ARSB: variants seen among roughly 807,000 people sequenced by gnomAD.
ARSB encodes the protein N-acetylgalactosamine-4-sulfatase.
A neutral mutation model predicts 50.9 loss-of-function variants in ARSB; 41 were observed. The ratio of observed to expected loss-of-function variants is 0.81; its 90% CI spans 0.63 to 1.04. The LOEUF (loss-of-function observed/expected upper bound fraction) is 1.04. Ranked by LOEUF, ARSB falls within the 50% of genes least tolerant of loss-of-function variation. The probability of loss-of-function intolerance (pLI) is 0.00; values close to 1 mark genes in which losing one functional copy is unlikely to be tolerated. For synonymous variants in ARSB, 269 were observed against 284.8 expected, an observed-to-expected ratio of 0.94 and a Z score of 0.56; for missense variants, 672 against 693.3, an observed-to-expected ratio of 0.97 and a Z score of 0.35.
chr5:78,964,332 A>G, intron 3 of ARSB, 84 bp downstream of exon 3: 1 of 1,356,672 alleles, frequency 7.4e-7, no homozygotes, highest in Non-Finnish European at 1.0e-6. Context: ...TTTTCCCTAA[A>G]CAACAATGGC....
intron 6 of ARSB, among the ~76,000 whole-genome samples, chr5:78,798,435 C>T (rs928289535): frequency 6.6e-6 from 1 of 151,750 alleles, no homozygotes; most frequent in Non-Finnish European, 1.5e-5. Context: ...TCCTCTTCAG[C>T]CTGTGATTAT....
chr5:78,945,197 A>G (rs1003782533), intron 4 of ARSB, among the ~76,000 whole-genome samples: 2 of 152,128 alleles, frequency 1.3e-5, no homozygotes, highest in Non-Finnish European at 2.9e-5. Context: ...TTGAGTAGGA[A>G]AGGGAATTCC....
chr5:78,842,756 C>CTGTTTT (rs1295486672), intron 5 of ARSB, among the ~76,000 whole-genome samples: 4 of 141,144 alleles, frequency 2.8e-5, no homozygotes, highest in African/African-American at 1.0e-4. Flanking sequence ...GGTGAGTTTT[C>CTGTTTT]TGTTTTTGTT....
In ARSB at chr5:78,885,837, A is replaced by T; in HGVS notation, c.899-10T>A. 6.2e-7 allele frequency: 1 copy of T among 1,614,238 alleles called. No individual in the cohort carries two copies. Among genetic ancestry groups the T allele is most frequent in the Non-Finnish European group, 8.5e-7 (1 of 1,180,048 alleles). On this transcript the variant is annotated splice_polypyrimidine_tract_variant and intron_variant, in intron 4 of 7. Transcript: ENST00000264914. ...GTCTGCCCTCCGTTATCTGAAACAC[A>T]GTAAGGTCTTGGCATGAGGATGATG...
At position 78,909,957 on chromosome 5, in the gene ARSB, G is replaced by A. The variant is rs189328005; in HGVS notation, c.899-24130C>T. ...GAAAAGCCGCCCTGTGGCGGGAGGC[G>A]AGACATGTTGGCAGCAATGCTGCTC... On this transcript the variant is annotated intron_variant, in intron 4 of 7. Transcript: ENST00000264914. Among the ~76,000 whole-genome samples, 72 of 152,340 alleles carry A rather than the reference G, an allele frequency of 4.7e-4. 1 individual carries two copies. The East Asian group carries it at 0.013, about 28-fold the overall frequency.
At chr5:78,878,855 T>G (rs1046851103) in intron 5 of ARSB, among the ~76,000 whole-genome samples, 14 of 34,532 alleles carry the variant, frequency 4.1e-4, no homozygotes, top group Non-Finnish European at 2.4e-3. Flanking sequence ...ATCAGGAGAT[T>G]GCTTTTTTTT....
chr5:78,885,766 G>A lies in ARSB; in HGVS notation c.960C>T (p.Ser320=), dbSNP rs762614315. The part of the protein sequence containing the change: ...NNWPLRGRKW[S]LWEGGVRGVG... The stretch of plus-strand genomic sequence containing the variant: ...CCCCTCGGACGCCTCCTTCCCACAG[G>A]CTCCATTTTCTTCCTCGAAGGGGCC... The change falls in exon 5 of 8, where the codon AGC becomes AGT. Residue 320 remains serine, a synonymous_variant. Coordinates refer to ENST00000264914, the MANE Select transcript of ARSB (RefSeq NM_000046.5). 12 of 1,614,040 alleles carry A rather than the reference G, an allele frequency of 7.4e-6. No homozygotes were observed. In the Admixed American group the frequency reaches 1.8e-4, roughly 25 times the overall value.
intron 1 of ARSB, among the ~76,000 whole-genome samples, chr5:78,972,219 G>A (rs2112540423): frequency 6.6e-6 from 1 of 152,098 alleles, no homozygotes; most frequent in East Asian, 1.9e-4. Flanking sequence ...CTCTACCAAA[G>A]GTCACTCTGG....
intron 4 of ARSB, among the ~76,000 whole-genome samples, chr5:78,911,542 C>G (rs758496719): frequency 1.6e-5 from 2 of 126,634 alleles, no homozygotes; most frequent in Non-Finnish European, 3.1e-5. Flanking sequence ...CAACTGCACT[C>G]CAGCCTGGGG....
At chr5:78,882,846 C>T (rs951914756) in intron 5 of ARSB, 1 of 140,780 alleles carries the variant, frequency 7.1e-6, no homozygotes, top group Non-Finnish European at 1.5e-5. Flanking sequence ...TGCAGTGGCA[C>T]CGTGTTGGCT....
chr5:78,850,730 T>C (rs1435059176), intron 5 of ARSB, among the ~76,000 whole-genome samples: 3 of 152,240 alleles, frequency 2.0e-5, no homozygotes, highest in Non-Finnish European at 2.9e-5. Context: ...ATTGTCACAA[T>C]TTCAGAGCCT....
At chr5:78,794,405 A>T (rs1389038636) in intron 6 of ARSB, among the ~76,000 whole-genome samples, 1 of 152,218 alleles carries the variant, frequency 6.6e-6, no homozygotes, top group Admixed American at 6.5e-5. Flanking sequence ...GTGTTTATTG[A>T]GGCCAGTGAA....
intron 4 of ARSB, among the ~76,000 whole-genome samples, chr5:78,923,303 T>C (rs576736655): frequency 6.6e-6 from 1 of 152,330 alleles, no homozygotes; most frequent in South Asian, 2.1e-4. Flanking sequence ...TGTGGCCCCA[T>C]GGGCACTGAC....
intron 5 of ARSB, among the ~76,000 whole-genome samples, chr5:78,880,018 C>T (rs114932952): frequency 4.9e-4 from 75 of 151,742 alleles, no homozygotes; most frequent in Non-Finnish European, 2.5e-4. Flanking sequence ...ATGATTTAGC[C>T]TACTTGGACA....
At chr5:78,960,620 C>T (rs1751938537) in intron 3 of ARSB, among the ~76,000 whole-genome samples, 1 of 152,126 alleles carries the variant, frequency 6.6e-6, no homozygotes, top group Admixed American at 6.6e-5. Context: ...GGCTGGAGTT[C>T]AGTGGCACGA....
chr5:78,824,467 G>A (rs1744354310), intron 6 of ARSB, among the ~76,000 whole-genome samples: 1 of 152,160 alleles, frequency 6.6e-6, no homozygotes, highest in Non-Finnish European at 1.5e-5. Flanking sequence ...CACCACTCAG[G>A]AGTCTGTTAG....
chr5:78,780,366 A>T lies in ARSB; in HGVS notation c.*31T>A. The T allele has an allele frequency of 1.2e-6, 2 of 1,613,098 alleles. No homozygotes were observed. Among genetic ancestry groups the T allele is most frequent in the Non-Finnish European group, 1.7e-6 (2 of 1,179,960 alleles). On this transcript the variant is annotated 3_prime_UTR_variant, in exon 8 of 8. Transcript: ENST00000264914. ...AGAAAAGGCCTGAGGTCCAACTTCC[A>T]ATTGAAAGGTTTTCTAGCCTCCCTG... is the stretch of plus-strand genomic sequence containing the variant.
chr5:78,840,243 C>A (rs1745144459), intron 5 of ARSB, among the ~76,000 whole-genome samples: 1 of 152,186 alleles, frequency 6.6e-6, no homozygotes, highest in Non-Finnish European at 1.5e-5. Context: ...TGAGGGTGTA[C>A]TGAGGACTCC....
intron 1 of ARSB, among the ~76,000 whole-genome samples, chr5:78,972,544 C>CA (rs1554088554): frequency 6.1e-5 from 9 of 147,612 alleles, no homozygotes; most frequent in African/African-American, 2.1e-4. Context: ...CACACACACA[C>CA]CCCAAATCAA....
Sources: allele counts gnomAD v4.1 joint callset (sites outside exome capture counted in the v4.1 genomes callset), GRCh38; gene constraint gnomAD v4.1.1; transcripts MANE v1.5; gene names NCBI Gene and HGNC (gene_info 2026-07-23, HGNC 2026-07-21).